Variants in ARHGAP4 observed in about 807,000 individuals in gnomAD.
ARHGAP4 encodes the protein rho GTPase-activating protein 4.
A neutral mutation model predicts 67.6 loss-of-function variants in ARHGAP4; 25 were observed. That is an observed-to-expected ratio of 0.37 (90% CI 0.27 to 0.52). The LOEUF (loss-of-function observed/expected upper bound fraction) is 0.52. Among genes scored for constraint, ARHGAP4 ranks in the 20% least tolerant of loss-of-function variants. The pLI, the probability that ARHGAP4 is intolerant of heterozygous loss-of-function variation, is 0.92. For missense variants in ARHGAP4, 804 were observed against 854.6 expected (o/e 0.94, Z 0.74); for synonymous variants, 448 against 373.7 (o/e 1.20, Z -2.29).
chrX:153,912,933 G>A (rs2065030907), intron 11 of ARHGAP4, 91 bp downstream of exon 11: 1 of 1,132,616 alleles, frequency 8.8e-7, no homozygotes. Context: ...CTGGGGAAGT[G>A]AGGCCCAGGG....
intron 21 of ARHGAP4, among the ~76,000 whole-genome samples, chrX:153,908,660 C>G (rs782224588): frequency 9.3e-6 from 1 of 107,425 alleles, no homozygotes; most frequent in African/African-American, 3.4e-5. Flanking sequence ...TCCTCCCTGG[C>G]GTGCCAAGCG....
At chrX:153,910,889 G>GGCC in intron 14 of ARHGAP4, 33 bp downstream of exon 14, 1 of 1,147,394 alleles carries the variant, frequency 8.7e-7, no homozygotes, top group Non-Finnish European at 1.2e-6. Context: ...ATCTGCCCGA[G>GGCC]CCCCCACCCC....
In ARHGAP4 at chrX:153,920,637, G is replaced by T; in HGVS notation, c.670C>A (p.Leu224Met). ...RKSSLKKGGR[L>M]VEKRQAKFME... ...CCCTCCAGGCCCACCTTCTCCACCA[G>T]CCTCCCTCCCTTCTTGAGGGAGCTC... Residue 224 changes from leucine to methionine, a missense_variant, in exon 5 of 22, where the codon CTG (leucine) becomes ATG (methionine). Around this residue, in one of 2 missense-constraint regions of ARHGAP4, gnomAD observed 404 missense variants for 505.9 expected, o/e 0.80. Coordinates refer to ENST00000350060, the MANE Select transcript of ARHGAP4 (RefSeq NM_001666.5). 10 of 1,204,528 alleles carry T rather than the reference G, an allele frequency of 8.3e-6. No homozygotes were observed. Among genetic ancestry groups the T allele is most frequent in the Non-Finnish European group, 1.1e-5 (10 of 891,774 alleles).
At chrX:153,911,938 GA>G (rs1463031553) in intron 12 of ARHGAP4, among the ~76,000 whole-genome samples, 3 of 107,880 alleles carry the variant, frequency 2.8e-5, no homozygotes, top group African/African-American at 1.0e-4. Flanking sequence ...AAAAAAGAAA[GA>G]AACTCAAAGT....
intron 21 of ARHGAP4, 49 bp downstream of exon 21, chrX:153,909,021 G>T: frequency 8.6e-7 from 1 of 1,162,719 alleles, no homozygotes; most frequent in South Asian, 1.8e-5. Flanking sequence ...AGGGGAGGCA[G>T]AGATCCCCCA....
chrX:153,911,165 C>T lies in ARHGAP4; in HGVS notation c.1567G>A (p.Val523Met), dbSNP rs1557103214. 8.5e-7 allele frequency: 1 copy of T among 1,170,471 alleles called. No homozygotes were observed. Among genetic ancestry groups the T allele is most frequent in the Non-Finnish European group, 1.1e-6 (1 of 874,121 alleles). The change falls in exon 13 of 22, where the codon GTG (valine) becomes ATG (methionine). Residue 523 changes from valine to methionine, a missense_variant. Transcript: ENST00000350060. Reference sequence around the variant, plus strand: ...ATGAAGCGAATGCAGCTCTCCACCACCAGGGGCACAGGCTGGCCTGAGCTC... The same window carrying T: ...ATGAAGCGAATGCAGCTCTCCACCATCAGGGGCACAGGCTGGCCTGAGCTC... ...IQSSGQPVPL[V>M]VESCIRFINL...
chrX:153,920,481 C>T (rs1277286089), intron 5 of ARHGAP4, 145 bp downstream of exon 5: 2 of 680,786 alleles, frequency 2.9e-6, no homozygotes, highest in African/African-American at 2.2e-5. Context: ...GGGAGCCTTC[C>T]GTATGGAATC....
At position 153,913,043 on chromosome X, in the gene ARHGAP4, CCTT is replaced by C. The variant is rs1157018663; in HGVS notation, c.1417_1419del (p.Lys473del). 7.6e-6 allele frequency: 9 copies of C among 1,191,646 alleles called. No homozygotes were observed. Among genetic ancestry groups the C allele is most frequent in the East Asian group, 6.1e-5 (2 of 33,052 alleles). On this transcript the variant is annotated inframe_deletion, in exon 11 of 22. Transcript: ENST00000350060. The stretch of plus-strand genomic sequence containing the variant: ...ACTCACCAAGACACCTCCTGCTCCT[CCTT>C]GTCACCTGTGGGGTGGGAGAACATT...
At chrX:153,914,837 T>A (rs2065044429) in intron 7 of ARHGAP4, among the ~76,000 whole-genome samples, 1 of 112,358 alleles carries the variant, frequency 8.9e-6, no homozygotes, top group Non-Finnish European at 1.9e-5. Flanking sequence ...AATTTCCCTG[T>A]GGCAAGATGA....
intron 7 of ARHGAP4, among the ~76,000 whole-genome samples, chrX:153,914,910 T>C (rs1180249751): frequency 1.8e-5 from 2 of 112,172 alleles, no homozygotes; most frequent in Non-Finnish European, 3.8e-5. Context: ...ATTACTCTTT[T>C]AAGCATGTAG....
intron 1 of ARHGAP4, chrX:153,922,513 GC>G (rs1434861143): frequency 1.3e-5 from 8 of 624,712 alleles, no homozygotes; most frequent in Non-Finnish European, 1.1e-5. Flanking sequence ...CACACCCAGG[GC>G]CCCATACTGC....
intron 1 of ARHGAP4, chrX:153,922,293 C>T (rs1417329278): frequency 6.6e-6 from 5 of 762,522 alleles, no homozygotes; most frequent in South Asian, 6.6e-5. Flanking sequence ...AAGCCTGCAG[C>T]GATCTCGCAG....
chrX:153,918,588 T>C (rs1270840341), intron 7 of ARHGAP4, among the ~76,000 whole-genome samples: 2 of 112,968 alleles, frequency 1.8e-5, no homozygotes, highest in Non-Finnish European at 3.7e-5. Flanking sequence ...GAACAATGTA[T>C]GGGCAGCTAC....
rs782335820 is a variant in ARHGAP4, at chrX:153,912,027, C to G, written c.1542+673G>C. 2.6e-4 allele frequency among the ~76,000 whole-genome samples: 29 copies of G among 111,951 alleles called. No homozygotes were observed. The Admixed American group carries it at 2.7e-3, about 11-fold the overall frequency. ...ATCACTGAAAATGACGATATCAGTTCTGATCTTCTGGTATTCTCCATGCCT... is the reference window on the plus strand; with the variant it reads ...ATCACTGAAAATGACGATATCAGTTGTGATCTTCTGGTATTCTCCATGCCT... On this transcript the variant is annotated intron_variant, in intron 12 of 21. Transcript: ENST00000350060.
At chrX:153,917,960 C>T (rs1388024348) in intron 7 of ARHGAP4, among the ~76,000 whole-genome samples, 1 of 111,993 alleles carries the variant, frequency 8.9e-6, no homozygotes, top group Admixed American at 9.5e-5. Context: ...GTTGACCTCA[C>T]AGGTGCCTGG....
intron 4 of ARHGAP4, 64 bp downstream of exon 4, chrX:153,921,033 C>T (rs2065089583): frequency 2.6e-6 from 3 of 1,138,879 alleles, no homozygotes; most frequent in South Asian, 1.9e-5. Flanking sequence ...GTGTTCCTCC[C>T]CCACTGTGAG....
At chrX:153,919,789 TTTA>T (rs1340062139) in intron 5 of ARHGAP4, 7 of 851,393 alleles carry the variant, frequency 8.2e-6, no homozygotes, top group Admixed American at 5.5e-5. Context: ...CTATTTTTTT[TTTA>T]TTTTTTTTTT....
intron 1 of ARHGAP4, among the ~76,000 whole-genome samples, chrX:153,922,709 C>T (rs2060249660): frequency 8.9e-6 from 1 of 112,413 alleles, no homozygotes; most frequent in Admixed American, 9.4e-5. Flanking sequence ...GGCTGCCCAC[C>T]TACTCATCTC....
At chrX:153,921,330 C>T (rs1254160495) in intron 3 of ARHGAP4, 35 bp downstream of exon 3, 6 of 1,209,391 alleles carry the variant, frequency 5.0e-6, no homozygotes, top group Admixed American at 4.4e-5. Context: ...CCCAAAGCCT[C>T]GAACACTTCC....
Sources: gnomAD v4.1 joint callset for allele counts (sites outside exome capture counted in the v4.1 genomes callset) on GRCh38, gnomAD v4.1.1 for gene constraint, gnomAD v4.1.1 regional missense constraint, MANE v1.5 for transcripts, NCBI Gene and HGNC (gene_info 2026-07-23, HGNC 2026-07-21) for gene names.